Variants in SRGAP3 observed in about 807,000 individuals in gnomAD.
SRGAP3 encodes SLIT-ROBO Rho GTPase activating protein 3.
A neutral mutation model predicts 121.1 loss-of-function variants in SRGAP3; 39 were observed. The ratio of observed to expected loss-of-function variants is 0.32; its 90% CI spans 0.25 to 0.42. The LOEUF (loss-of-function observed/expected upper bound fraction) is 0.42. Ranked by LOEUF, SRGAP3 falls within the 10% of genes least tolerant of loss-of-function variation. The pLI is 1.00. For missense variants in SRGAP3, 1,213 were observed against 1,470.6 expected, an observed-to-expected ratio of 0.82 and a Z score of 2.86; for synonymous variants, 601 against 570.0, an observed-to-expected ratio of 1.05 and a Z score of -0.77.
At chr3:9,019,106 A>T (rs1417513787) in intron 14 of SRGAP3, among the ~76,000 whole-genome samples, 1 of 152,188 alleles carries the variant, frequency 6.6e-6, no homozygotes, top group Non-Finnish European at 1.5e-5. Flanking sequence ...TTATACAATC[A>T]ATCTCTTAGG....
chr3:9,275,841 C>T (rs73122621), intron 3 of SRGAP3, among the ~76,000 whole-genome samples: 9,487 of 152,090 alleles, frequency 0.062, 907 homozygotes, highest in African/African-American at 0.2. Flanking sequence ...TAATACAACC[C>T]ACCTCCACAG....
intron 1 of SRGAP3, among the ~76,000 whole-genome samples, chr3:9,139,132 C>T (rs1422934380): frequency 6.6e-6 from 1 of 152,208 alleles, no homozygotes; most frequent in Non-Finnish European, 1.5e-5. Context: ...CCTTTCTGCC[C>T]TGTTGTTACA....
intron 3 of SRGAP3, among the ~76,000 whole-genome samples, chr3:9,259,752 G>A (rs1559248007): frequency 6.6e-6 from 1 of 151,792 alleles, no homozygotes; most frequent in Non-Finnish European, 1.5e-5. Flanking sequence ...AGTCCCAGGT[G>A]GCCATTGAGC....
At chr3:9,294,724 G>GTGTGTC (rs1462949263) in intron 3 of SRGAP3, among the ~76,000 whole-genome samples, 2 of 151,382 alleles carry the variant, frequency 1.3e-5, no homozygotes, top group Admixed American at 1.3e-4. Flanking sequence ...GTGTGTGTGT[G>GTGTGTC]TGTGTGTGTG....
rs151037880 is a variant in SRGAP3 at position 9,322,180 on chromosome 3, G to T, written n.442+3830C>A. 4.6e-5 allele frequency among the ~76,000 whole-genome samples: 7 copies of T among 151,764 alleles called. No homozygotes were observed. In the East Asian group the frequency reaches 1.4e-3, roughly 29 times the overall value. On this transcript the variant is annotated intron_variant and non_coding_transcript_variant, in intron 3 of 3. Coordinates refer to the SRGAP3 transcript ENST00000490889. ...GCTGTAAAATCGTAGATTGTGGTGT[G>T]AGTTCAATTAAATGAGATAATGATA...
chr3:9,151,931 A>T (rs1950225407), intron 1 of SRGAP3, among the ~76,000 whole-genome samples: 1 of 152,232 alleles, frequency 6.6e-6, no homozygotes, highest in South Asian at 2.1e-4. Flanking sequence ...GAAGACAAGG[A>T]TAGAACCGGG....
chr3:9,056,817 G>A (rs1216136520), intron 7 of SRGAP3, among the ~76,000 whole-genome samples: 2 of 152,126 alleles, frequency 1.3e-5, no homozygotes, highest in Non-Finnish European at 2.9e-5. Flanking sequence ...ATAGCTCTTC[G>A]TCCCCCAGCA....
intron 4 of SRGAP3, 110 bp from the exon 5 acceptor site, chr3:9,064,691 G>A: frequency 6.1e-6 from 8 of 1,320,312 alleles, no homozygotes; most frequent in Non-Finnish European, 1.0e-6. Context: ...CCACTGCCCT[G>A]GTCCCAAAAC....
intron 18 of SRGAP3, among the ~76,000 whole-genome samples, chr3:9,008,842 G>A (rs899970414): frequency 1.3e-5 from 2 of 152,174 alleles, no homozygotes; most frequent in African/African-American, 4.8e-5. Flanking sequence ...ACTCAAGGCA[G>A]TCCAATGAGA....
chr3:9,312,758 G>C (rs913323169), intron 3 of SRGAP3, among the ~76,000 whole-genome samples: 5 of 152,172 alleles, frequency 3.3e-5, no homozygotes, highest in South Asian at 4.1e-4. Flanking sequence ...GCTGAGTTGG[G>C]GGGAATGCTG....
Position 8,985,709 on chromosome 3 carries a change from G to A in SRGAP3, c.3110C>T (p.Thr1037Ile), listed in dbSNP as rs771190189. The stretch of plus-strand genomic sequence containing the variant: ...GGCGGACAGGGCTGGCTTGAAGGTG[G>A]TCATCATCTCGGTGGAGGAGCTGCT... ...RSSSSSTEMM[T>I]TFKPALSARL... Residue 1037 changes from threonine (T) to isoleucine (I), a missense_variant, in exon 22 of 22, where the codon ACC becomes ATC. This residue lies in a region of SRGAP3 where 420 missense variants were observed against 437.7 expected (regional missense o/e 0.96). Coordinates refer to ENST00000383836, the MANE Select transcript of SRGAP3 (RefSeq NM_014850.4). The surrounding 1 kb of genome is among the most constrained non-coding windows in gnomAD (Gnocchi z 5.1). 6.3e-7 allele frequency: 1 copy of A among 1,598,278 alleles called. No individual in the cohort carries two copies. The highest frequency in any genetic ancestry group is 8.5e-7 in the Non-Finnish European group (1 of 1,179,604).
In SRGAP3 at chr3:8,981,955, C is replaced by T. The variant is rs1386655213; in HGVS notation, c.*3564G>A. The T allele has an allele frequency of 2.7e-5, 6 of 226,048 alleles. No homozygotes were observed. The highest frequency in any genetic ancestry group is 6.4e-5 in the East Asian group (1 of 15,732). The allele number at this position is 226,048 out of a possible 1,614,324, so 14.0% of individuals were successfully genotyped here. ...CAAAAGGCGCTTCGAGGTGAGAAAT[C>T]GTTAGCACTGAAACAAGGAAAGGCA... On this transcript the variant is annotated 3_prime_UTR_variant, in exon 22 of 22. Coordinates refer to ENST00000383836, the MANE Select transcript of SRGAP3 (RefSeq NM_014850.4).
chr3:9,315,661 C>T (rs1317310552), intron 3 of SRGAP3, among the ~76,000 whole-genome samples: 2 of 152,146 alleles, frequency 1.3e-5, no homozygotes, highest in Non-Finnish European at 2.9e-5. Flanking sequence ...TCTTCTGCCA[C>T]ACTGTACAAA....
At chr3:9,346,966 G>T (rs1955902893) in intron 1 of SRGAP3, among the ~76,000 whole-genome samples, 1 of 151,812 alleles carries the variant, frequency 6.6e-6, no homozygotes, top group African/African-American at 2.4e-5. Flanking sequence ...ATGTTGGCCA[G>T]GCTAGTCTCG....
At chr3:9,270,818 T>A (rs73021279) in intron 3 of SRGAP3, among the ~76,000 whole-genome samples, 3,860 of 152,200 alleles carry the variant, frequency 0.025, 142 homozygotes, top group Admixed American at 0.1. Context: ...TTTTTTTTTT[T>A]AAGTCAATTC....
chr3:9,308,148 C>CCA (rs1955187784), intron 3 of SRGAP3, among the ~76,000 whole-genome samples: 1 of 152,208 alleles, frequency 6.6e-6, no homozygotes, highest in Non-Finnish European at 1.5e-5. Flanking sequence ...GAGCTAGACT[C>CCA]TGTCTCAAAA....
rs1480255406 is a variant in SRGAP3, at chr3:9,214,396, TC to T, written c.67+34488del. On this transcript the variant is annotated intron_variant, in intron 1 of 21. Coordinates refer to ENST00000383836, the MANE Select transcript of SRGAP3 (RefSeq NM_014850.4). ...GAAAGCCCAAGGAGCTTGCCGAAGGTCACACAGTAATAAAGAAGCCTGCTTT... is the reference window on the plus strand; with the variant it reads ...GAAAGCCCAAGGAGCTTGCCGAAGGTACACAGTAATAAAGAAGCCTGCTTT... 2.0e-5 allele frequency among the ~76,000 whole-genome samples: 3 copies of T among 152,110 alleles called. No homozygotes were observed. The East Asian group carries it at 5.8e-4, about 29-fold the overall frequency.
At chr3:9,262,697 A>G (rs908424327) in intron 3 of SRGAP3, among the ~76,000 whole-genome samples, 4 of 152,204 alleles carry the variant, frequency 2.6e-5, no homozygotes, top group Non-Finnish European at 4.4e-5. Context: ...TGCACCCAAT[A>G]CAGGAGAACC....
At chr3:9,347,676 C>A (rs1301150244) in intron 1 of SRGAP3, among the ~76,000 whole-genome samples, 1 of 152,196 alleles carries the variant, frequency 6.6e-6, no homozygotes, top group East Asian at 1.9e-4. Context: ...GACATCTGTA[C>A]AATTGATTCT....
Sources: gnomAD v4.1 joint callset for allele counts (sites outside exome capture counted in the v4.1 genomes callset) on GRCh38, gnomAD v4.1.1 for gene constraint, gnomAD v4.1.1 regional missense constraint, Gnocchi (gnomAD v3.1) non-coding constraint, MANE v1.5 for transcripts, NCBI Gene and HGNC (gene_info 2026-07-23, HGNC 2026-07-21) for gene names.